Variants in HRH2 observed in about 807,000 individuals in gnomAD.
The protein encoded by HRH2 is histamine receptor H2.
Under a neutral mutation model 20.1 loss-of-function variants are expected in HRH2, and 4 were observed. The observed-to-expected ratio is 0.20, with a 90% CI of 0.10 to 0.45. The LOEUF (loss-of-function observed/expected upper bound fraction) is 0.45, where lower values mean the gene tolerates loss of function less well. Ranked by LOEUF, HRH2 falls within the 20% of genes least tolerant of loss-of-function variation. HRH2 has a pLI of 0.99. For missense variants in HRH2, 250 were observed against 461.6 expected, an observed-to-expected ratio of 0.54 and a Z score of 4.20; for synonymous variants, 197 against 200.7, an observed-to-expected ratio of 0.98 and a Z score of 0.16.
Position 175,706,503 on chromosome 5 carries a change from C to G in HRH2, c.1077-1276C>G, listed in dbSNP as rs571359556. 2.5e-4 allele frequency among the ~76,000 whole-genome samples: 38 copies of G among 152,356 alleles called. No individual in the cohort carries two copies. The South Asian group carries it at 7.7e-3, about 31-fold the overall frequency. ...TGGTTATTTCCTAGCCTAGAGCTAG[C>G]TGTTCTTTGATAATTTCACCGAGTG... On this transcript the variant is annotated intron_variant, in intron 2 of 2. Coordinates refer to ENST00000636584, the MANE Select transcript of HRH2 (RefSeq NM_001367711.1).
Position 175,708,258 on chromosome 5 carries a change from G to T in HRH2, c.*287G>T. 1 of 309,908 alleles carries T rather than the reference G, an allele frequency of 3.2e-6. No homozygotes were observed. Among genetic ancestry groups the T allele is most frequent in the Non-Finnish European group, 5.9e-6 (1 of 170,074 alleles). 19.2% of individuals were successfully genotyped at this position (309,908 alleles called of 1,614,324 possible). ...GGCCCTGGGAGTCATGAGCAGAGAC[G>T]GTGGGACAGACGGGGATGCGTGCAC... On this transcript the variant is annotated 3_prime_UTR_variant, in exon 3 of 3. Coordinates refer to ENST00000636584, the MANE Select transcript of HRH2 (RefSeq NM_001367711.1).
At chr5:175,702,717 A>T (rs1756825564) in intron 2 of HRH2, among the ~76,000 whole-genome samples, 1 of 146,320 alleles carries the variant, frequency 6.8e-6, no homozygotes, top group Non-Finnish European at 1.5e-5. Flanking sequence ...ACGCCTGGCT[A>T]ATTTTTTCTT....
At chr5:175,669,364 CTTTT>C (rs33964139) in intron 1 of HRH2, among the ~76,000 whole-genome samples, 3 of 133,114 alleles carry the variant, frequency 2.3e-5, no homozygotes, top group Non-Finnish European at 3.2e-5. Flanking sequence ...TTCTTTCTTT[CTTTT>C]TTTTTTTTTT....
At chr5:175,707,188 C>T (rs1001261628) in intron 2 of HRH2, among the ~76,000 whole-genome samples, 26 of 152,176 alleles carry the variant, frequency 1.7e-4, no homozygotes, top group African/African-American at 6.3e-4. Context: ...TTTGGGAGGC[C>T]GAGGCAGGAG....
Position 175,681,165 on chromosome 5 carries a change from C to T in HRH2, c.-525-1544C>T, listed in dbSNP as rs373543026. 6.6e-5 allele frequency among the ~76,000 whole-genome samples: 10 copies of T among 152,134 alleles called. No individual in the cohort carries two copies. The highest frequency in any genetic ancestry group is 2.0e-4 in the Admixed American group (3 of 15,278). ...CCCCTCCAAAGTTAATTAAGTGTGG[C>T]GGTGAGACCCATGCTGTTTGGGCTA... On this transcript the variant is annotated intron_variant, in intron 1 of 2. Coordinates refer to ENST00000636584, the MANE Select transcript of HRH2 (RefSeq NM_001367711.1). This position sits in a 1 kb window ranked among gnomAD's most constrained non-coding sequence, Gnocchi z 4.3.
intron 2 of HRH2, among the ~76,000 whole-genome samples, chr5:175,698,999 T>C (rs1233883218): frequency 6.6e-6 from 1 of 152,220 alleles, no homozygotes; most frequent in East Asian, 1.9e-4. Flanking sequence ...CTCAGTCTCT[T>C]TCAAAGCAGA....
intron 1 of HRH2, among the ~76,000 whole-genome samples, chr5:175,670,529 T>C (rs970776440): frequency 2.6e-5 from 4 of 152,170 alleles, no homozygotes; most frequent in African/African-American, 9.7e-5. Flanking sequence ...TGGCCATCCA[T>C]CTGAAATGCT....
intron 2 of HRH2, among the ~76,000 whole-genome samples, chr5:175,706,420 G>A (rs762316462): frequency 2.6e-5 from 4 of 152,108 alleles, no homozygotes; most frequent in East Asian, 1.9e-4. Context: ...ATGAACATGC[G>A]GTATTTCCAA....
chr5:175,674,224 G>T (rs1755676476), intron 1 of HRH2, among the ~76,000 whole-genome samples: 1 of 152,148 alleles, frequency 6.6e-6, no homozygotes, highest in Non-Finnish European at 1.5e-5. Context: ...TGCGGCAGGG[G>T]GGGTCTGGGG....
chr5:175,664,551 AGT>A (rs1762830752), intron 1 of HRH2, among the ~76,000 whole-genome samples: 1 of 152,158 alleles, frequency 6.6e-6, no homozygotes, highest in Non-Finnish European at 1.5e-5. Flanking sequence ...ACCCCAGGGC[AGT>A]GGGGGCAGGC....
intron 1 of HRH2, among the ~76,000 whole-genome samples, chr5:175,658,473 T>C (rs1581395978): frequency 6.6e-6 from 1 of 152,108 alleles, no homozygotes; most frequent in Non-Finnish European, 1.5e-5. Context: ...CGGGTCGGCT[T>C]TATATCCCCT....
intron 2 of HRH2, among the ~76,000 whole-genome samples, chr5:175,705,661 G>A (rs1756923152): frequency 6.6e-6 from 1 of 151,312 alleles, no homozygotes; most frequent in Non-Finnish European, 1.5e-5. Flanking sequence ...TGTGCCCAGA[G>A]TAGACTTTTT....
Position 175,677,965 on chromosome 5 carries a change from G to T in HRH2, c.-525-4744G>T, listed in dbSNP as rs1755816828. Among the ~76,000 whole-genome samples, 3 of 152,348 alleles carry T rather than the reference G, an allele frequency of 2.0e-5. No homozygotes were observed. In the South Asian group the frequency reaches 6.2e-4, roughly 32 times the overall value. The stretch of plus-strand genomic sequence containing the variant: ...CTTTCTCCTCCAAACGTTCACCGTG[G>T]CTGTTCTCTCTGGAATCAGCTGGTC... On this transcript the variant is annotated intron_variant, in intron 1 of 2. Transcript: ENST00000636584. This position sits in a 1 kb window ranked among gnomAD's most constrained non-coding sequence, Gnocchi z 4.2.
chr5:175,661,326 C>T (rs1215400844), intron 1 of HRH2, among the ~76,000 whole-genome samples: 1 of 152,190 alleles, frequency 6.6e-6, no homozygotes, highest in Non-Finnish European at 1.5e-5. Flanking sequence ...CACATGAAGG[C>T]TTGTCAGTAA....
chr5:175,710,402 T>G lies in HRH2; in HGVS notation c.*2431T>G, dbSNP rs1757058768. 1 of 152,276 alleles carries G rather than the reference T, an allele frequency of 6.6e-6. No individual in the cohort carries two copies. Among genetic ancestry groups the G allele is most frequent in the South Asian group, 2.1e-4 (1 of 4,836 alleles). The allele number at this position is 152,276 out of a possible 1,614,324, so 9.4% of individuals were successfully genotyped here. On this transcript the variant is annotated 3_prime_UTR_variant, in exon 3 of 3. Coordinates refer to ENST00000636584, the MANE Select transcript of HRH2 (RefSeq NM_001367711.1). ...ATCCCCCCAGAGGTGCTTAGTCTCT[T>G]GGCTGAATTCCTTCTGGAATCCCCA...
rs1476526172 is a variant in HRH2, at chr5:175,686,586, T to G, written c.1076+2277T>G. 6.6e-6 allele frequency among the ~76,000 whole-genome samples: 1 copy of G among 152,200 alleles called. No individual in the cohort carries two copies. Among genetic ancestry groups the G allele is most frequent in the Non-Finnish European group, 1.5e-5 (1 of 68,040 alleles). The stretch of plus-strand genomic sequence containing the variant: ...TAGTTAAGAAGCTGACTGGTCAGAT[T>G]CAGAGCCACACATGCCAAGGATTGA... On this transcript the variant is annotated intron_variant, in intron 2 of 2. Coordinates refer to ENST00000636584, the MANE Select transcript of HRH2 (RefSeq NM_001367711.1). This position sits in a 1 kb window ranked among gnomAD's most constrained non-coding sequence, Gnocchi z 4.7.
In HRH2 at chr5:175,677,626, T is replaced by A. The variant is rs1159780704; in HGVS notation, c.-525-5083T>A. 6.6e-6 allele frequency among the ~76,000 whole-genome samples: 1 copy of A among 152,196 alleles called. No individual in the cohort carries two copies. The highest frequency in any genetic ancestry group is 1.5e-5 in the Non-Finnish European group (1 of 68,032). ...CCAAAATAACCCCTCCCAGCCCATT[T>A]TGGGCTGCTCCTTGGGTGCTGATGC... On this transcript the variant is annotated intron_variant, in intron 1 of 2. Coordinates refer to ENST00000636584, the MANE Select transcript of HRH2 (RefSeq NM_001367711.1). The surrounding 1 kb of genome is among the most constrained non-coding windows in gnomAD (Gnocchi z 4.2).
chr5:175,660,667 A>G (rs776265902), intron 1 of HRH2, among the ~76,000 whole-genome samples: 3 of 152,170 alleles, frequency 2.0e-5, no homozygotes, highest in Non-Finnish European at 4.4e-5. Flanking sequence ...GAGAGCAGGG[A>G]GGAGGGTGCC....
rs111381246 is a variant in HRH2, at chr5:175,700,532, A to G, written c.1077-7247A>G. Among the ~76,000 whole-genome samples, 31 of 152,356 alleles carry G rather than the reference A, an allele frequency of 2.0e-4. 1 individual carries two copies. The highest frequency in any genetic ancestry group is 7.2e-4 in the African/African-American group (30 of 41,584). On this transcript the variant is annotated intron_variant, in intron 2 of 2. Coordinates refer to ENST00000636584, the MANE Select transcript of HRH2 (RefSeq NM_001367711.1). Reference sequence around the variant, plus strand: ...GGGCTGCAGGAGCCAGGAGGGAACCAGTAATTCTGGGAGACCTCAGAGACA... The same window carrying G: ...GGGCTGCAGGAGCCAGGAGGGAACCGGTAATTCTGGGAGACCTCAGAGACA...
Sources: gnomAD v4.1 joint callset for allele counts (sites outside exome capture counted in the v4.1 genomes callset) on GRCh38, gnomAD v4.1.1 for gene constraint, Gnocchi (gnomAD v3.1) non-coding constraint, MANE v1.5 for transcripts, NCBI Gene and HGNC (gene_info 2026-07-23, HGNC 2026-07-21) for gene names.